The following CALCOCO2 variants were observed in gnomAD, a reference collection of about 807,000 sequenced individuals.
CALCOCO2 encodes the protein calcium binding and coiled-coil domain 2, also known as calcium-binding and coiled-coil domain-containing protein 2.
In CALCOCO2, 42 loss-of-function variants were observed where a neutral mutation model predicts 62.5. That is an observed-to-expected ratio of 0.67 (90% CI 0.53 to 0.87). The LOEUF (loss-of-function observed/expected upper bound fraction) is 0.87, where lower values mean the gene tolerates loss of function less well. CALCOCO2 is among the 40% of genes least tolerant of loss of function. CALCOCO2 has a pLI of 0.00. For synonymous variants in CALCOCO2, 167 were observed against 173.0 expected, an observed-to-expected ratio of 0.97 and a Z score of 0.27; for missense variants, 456 against 515.0, an observed-to-expected ratio of 0.89 and a Z score of 1.11.
chr17:48,842,538 T>G (rs1013875228), intron 2 of CALCOCO2: 2 of 152,236 alleles, frequency 1.3e-5, no homozygotes, highest in African/African-American at 4.8e-5. Context: ...GAGTGGAGTG[T>G]AGTTCACTGC....
chr17:48,839,000 T>C (rs2039935491), intron 1 of CALCOCO2, among the ~76,000 whole-genome samples: 1 of 148,562 alleles, frequency 6.7e-6, no homozygotes, highest in Non-Finnish European at 1.5e-5. Context: ...AAAATCACTT[T>C]GTTTCTTTTT....
chr17:48,854,485 G>A (rs12450051), intron 9 of CALCOCO2, among the ~76,000 whole-genome samples: 12,691 of 119,216 alleles, frequency 0.11, 1,306 homozygotes, highest in African/African-American at 0.27. Context: ...AGCTCACTGC[G>A]ACCTCCACCT....
At chr17:48,853,160 A>G (rs1045054903) in intron 9 of CALCOCO2, 148 bp downstream of exon 9, 3 of 600,990 alleles carry the variant, frequency 5.0e-6, no homozygotes, top group Non-Finnish European at 9.0e-6. Flanking sequence ...AGGACAGAGA[A>G]TCTGCCATTT....
intron 4 of CALCOCO2, chr17:48,848,775 G>T: frequency 1.9e-6 from 1 of 518,780 alleles, no homozygotes; most frequent in Non-Finnish European, 3.7e-6. Context: ...GAGGAGAGAA[G>T]CACCAAATAT....
At chr17:48,851,498 G>C (rs1009131663) in intron 6 of CALCOCO2, 61 bp from the exon 7 acceptor site, 22 of 954,874 alleles carry the variant, frequency 2.3e-5, no homozygotes, top group Non-Finnish European at 3.6e-5. Context: ...AATCACTTAA[G>C]GCCAGGGGTA....
In CALCOCO2 at chr17:48,847,241, T is replaced by C. The variant is rs73989216; in HGVS notation, c.181-823T>C. ...AGACATTATGAAAAATAATGGGTTTTTTTTTAATGCAGTAGTATATCCAGG... is the reference window on the plus strand; with the variant it reads ...AGACATTATGAAAAATAATGGGTTTCTTTTTAATGCAGTAGTATATCCAGG... On this transcript the variant is annotated intron_variant, in intron 2 of 12. Coordinates refer to ENST00000258947, the MANE Select transcript of CALCOCO2 (RefSeq NM_005831.5). Among the ~76,000 whole-genome samples, 1,248 of 152,304 alleles carry C rather than the reference T, an allele frequency of 8.2e-3. 26 individuals are homozygous for C. In the South Asian group the frequency reaches 0.097, roughly 12 times the overall value.
intron 1 of CALCOCO2, among the ~76,000 whole-genome samples, chr17:48,834,642 T>A (rs2039866083): frequency 6.6e-6 from 1 of 152,222 alleles, no homozygotes; most frequent in African/African-American, 2.4e-5. Flanking sequence ...GCTCTTATAT[T>A]TCTTCTCTTT....
intron 1 of CALCOCO2, chr17:48,839,539 G>A (rs1242499529): frequency 6.6e-6 from 1 of 151,166 alleles, no homozygotes; most frequent in African/African-American, 2.4e-5. Flanking sequence ...AGTAGAGACA[G>A]GGTTTCACAA....
At chr17:48,857,980 A>G (rs146539178) in intron 10 of CALCOCO2, among the ~76,000 whole-genome samples, 103 of 15,528 alleles carry the variant, frequency 6.6e-3, no homozygotes, top group Non-Finnish European at 0.012. Context: ...ACATCAATAG[A>G]ATAGAATAGA....
chr17:48,862,499 A>T (rs1264943909), intron 12 of CALCOCO2, among the ~76,000 whole-genome samples, 195 bp downstream of exon 12: 1 of 152,206 alleles, frequency 6.6e-6, no homozygotes, highest in Non-Finnish European at 1.5e-5. Flanking sequence ...ATCCATCAGC[A>T]TTTTGCTTAG....
chr17:48,846,065 T>C (rs1041529609), intron 2 of CALCOCO2: 1 of 1,485,324 alleles, frequency 6.7e-7, no homozygotes, highest in Non-Finnish European at 9.1e-7. Context: ...CAACTCCTCA[T>C]CACCCCAGAC....
At chr17:48,848,507 T>C (rs772098690) in intron 4 of CALCOCO2, 52 bp downstream of exon 4, 10 of 1,533,660 alleles carry the variant, frequency 6.5e-6, no homozygotes, top group Admixed American at 5.2e-5. Context: ...GGTAGCAATA[T>C]AGGATAGGAT....
At chr17:48,836,725 G>T (rs1014326501) in intron 1 of CALCOCO2, among the ~76,000 whole-genome samples, 5 of 151,570 alleles carry the variant, frequency 3.3e-5, no homozygotes, top group Non-Finnish European at 5.9e-5. Context: ...ACATATGGAG[G>T]CCAGCGTATG....
intron 1 of CALCOCO2, among the ~76,000 whole-genome samples, chr17:48,833,330 G>T (rs2039842541): frequency 6.6e-6 from 1 of 151,868 alleles, no homozygotes; most frequent in Admixed American, 6.6e-5. Context: ...GCCAAGGTGG[G>T]TGGATCACGA....
At chr17:48,848,884 C>G in intron 4 of CALCOCO2, 1 of 478,154 alleles carries the variant, frequency 2.1e-6, no homozygotes, top group South Asian at 1.5e-5. Flanking sequence ...TACTTTTCAT[C>G]CAGCACTATG....
rs1567759487 is a variant in CALCOCO2 at position 48,858,047 on chromosome 17, A to AGG, written c.1008+1860_1008+1861insGG. Among the ~76,000 whole-genome samples the AGG allele has an allele frequency of 3.5e-3, 3 of 858 alleles. 1 individual carries two copies. Among genetic ancestry groups the AGG allele is most frequent in the Admixed American group, 0.022 (3 of 138 alleles). 0.6% of individuals were successfully genotyped at this position (858 alleles called of 152,430 possible). ...TAGAATAGAATAGAATAGAATAGAA[A>AGG]ATAGAATAGAATAGAATAGAATAGA... On this transcript the variant is annotated intron_variant, in intron 10 of 12. Transcript: ENST00000258947.
Position 48,860,407 on chromosome 17 carries a change from G to A in CALCOCO2, c.1102G>A (p.Ala368Thr), listed in dbSNP as rs764650096. 8 of 1,613,792 alleles carry A rather than the reference G, an allele frequency of 5.0e-6. No homozygotes were observed. In the African/African-American group the frequency reaches 6.7e-5, roughly 13 times the overall value. ...YQVPTSDEGG[A>T]RQNPGLAYGN... is the part of the protein sequence containing the mutation. ...AGTACCTACTTCAGATGAAGGAGGC[G>A]CAAGACAAAATCCAGGACTTGCCTA... The change falls in exon 11 of 13, where the codon GCA (alanine) becomes ACA (threonine). Residue 368 changes from alanine (A) to threonine (T), a missense_variant. Coordinates refer to ENST00000258947, the MANE Select transcript of CALCOCO2 (RefSeq NM_005831.5).
At chr17:48,858,004 G>GAATAC (rs1373505175) in intron 10 of CALCOCO2, among the ~76,000 whole-genome samples, 1 of 19,444 alleles carries the variant, frequency 5.1e-5, no homozygotes, top group Non-Finnish European at 1.3e-4. Context: ...GAATAGAATA[G>GAATAC]AATAGAATAG....
chr17:48,858,500 TTG>T (rs2143671839), intron 10 of CALCOCO2, among the ~76,000 whole-genome samples: 1 of 152,084 alleles, frequency 6.6e-6, no homozygotes, highest in African/African-American at 2.4e-5. Flanking sequence ...CAGCTAATTT[TTG>T]TGTTTTTAGT....
Sources: gnomAD v4.1 joint callset for allele counts (sites outside exome capture counted in the v4.1 genomes callset) on GRCh38, gnomAD v4.1.1 for gene constraint, MANE v1.5 for transcripts, NCBI Gene and HGNC (gene_info 2026-07-23, HGNC 2026-07-21) for gene names.